Variants in RAD51B observed in about 807,000 individuals in gnomAD.
The protein encoded by RAD51B is DNA repair protein RAD51 homolog 2.
RAD51B carries 38 observed loss-of-function variants against 42.2 expected under a neutral mutation model. The observed-to-expected ratio is 0.90, with a 90% confidence interval of 0.70 to 1.18. RAD51B has a LOEUF of 1.18. Among genes scored for constraint, RAD51B ranks in the 50% most tolerant of loss-of-function variants. The probability of loss-of-function intolerance (pLI) is 0.00; values close to 1 mark genes in which losing one functional copy is unlikely to be tolerated. For missense variants in RAD51B, 373 were observed against 400.7 expected (o/e 0.93, Z 0.59); for synonymous variants, 154 against 145.2 (o/e 1.06, Z -0.43).
intron 7 of RAD51B, among the ~76,000 whole-genome samples, chr14:67,975,054 A>G (rs1186682266): frequency 2.0e-5 from 3 of 152,204 alleles, no homozygotes; most frequent in African/African-American, 2.4e-5. Context: ...ATCAATTGCC[A>G]TAACAAATTA....
intron 7 of RAD51B, among the ~76,000 whole-genome samples, chr14:68,246,119 T>C (rs1456071298): frequency 1.3e-5 from 2 of 152,094 alleles, no homozygotes; most frequent in Non-Finnish European, 2.9e-5. Flanking sequence ...CCCCAGGAAA[T>C]GTTAGCTCCC....
At chr14:68,287,315 G>T (rs1399278047) in intron 7 of RAD51B, among the ~76,000 whole-genome samples, 1 of 152,190 alleles carries the variant, frequency 6.6e-6, no homozygotes, top group Non-Finnish European at 1.5e-5. Context: ...GTGCACCTCT[G>T]TAAGCAGCAT....
rs537805558 is a variant in RAD51B at position 68,624,761 on chromosome 14, C to T, written c.1037-26020C>T. ...CGCGATCCTCTCAGGAAACAGGGCC[C>T]CAGGCAATTTCGTTCCTAAGTGAGA... On this transcript the variant is annotated intron_variant, in intron 10 of 11. Transcript: ENST00000488612. Among the ~76,000 whole-genome samples, 361 of 152,268 alleles carry T rather than the reference C, an allele frequency of 2.4e-3. 2 individuals carry two copies. The highest frequency in any genetic ancestry group is 4.2e-3 in the Non-Finnish European group (283 of 68,012).
chr14:68,265,144 C>G (rs1359629435), intron 7 of RAD51B, among the ~76,000 whole-genome samples: 3 of 152,150 alleles, frequency 2.0e-5, no homozygotes, highest in African/African-American at 2.4e-5. Context: ...TGAATAGACC[C>G]TTATCAACTT....
At chr14:68,155,846 T>C (rs955698876) in intron 7 of RAD51B, among the ~76,000 whole-genome samples, 3 of 152,216 alleles carry the variant, frequency 2.0e-5, no homozygotes, top group African/African-American at 7.2e-5. Context: ...GAATTTCTGA[T>C]TGATGAGGCC....
At chr14:68,241,414 C>T (rs1353387058) in intron 7 of RAD51B, among the ~76,000 whole-genome samples, 7 of 151,956 alleles carry the variant, frequency 4.6e-5, no homozygotes, top group African/African-American at 9.7e-5. Context: ...TGGTGGCGGG[C>T]GCCTGTGGTC....
chr14:67,962,221 A>G (rs1040369032), intron 7 of RAD51B, among the ~76,000 whole-genome samples: 2 of 152,202 alleles, frequency 1.3e-5, no homozygotes, highest in East Asian at 3.8e-4. Context: ...ATGATCTGAT[A>G]TGAAGTTGAA....
chr14:68,151,992 C>T (rs576125215), intron 7 of RAD51B, among the ~76,000 whole-genome samples: 34 of 151,422 alleles, frequency 2.2e-4, no homozygotes, highest in East Asian at 1.8e-3. Flanking sequence ...TACAGGCATG[C>T]GCCACCATGC....
chr14:68,659,455 G>A (rs1024674513), intron 11 of RAD51B, among the ~76,000 whole-genome samples: 20 of 152,168 alleles, frequency 1.3e-4, no homozygotes, highest in African/African-American at 4.1e-4. Context: ...AAGAAGCAAA[G>A]AATGTTGGGG....
intron 4 of RAD51B, among the ~76,000 whole-genome samples, chr14:67,843,805 C>G (rs1341154406): frequency 6.7e-6 from 1 of 149,626 alleles, no homozygotes; most frequent in African/African-American, 2.5e-5. Context: ...CTCCTTGATT[C>G]TTTGATCTTT....
In RAD51B at chr14:67,907,195, T is replaced by C. The variant is rs140362919; in HGVS notation, c.756+19991T>C. On this transcript the variant is annotated intron_variant, in intron 7 of 10. Coordinates refer to ENST00000471583, the MANE Select transcript of RAD51B (RefSeq NM_133510.4). ...TTCAAAGGGCCAGCTTTTGGTTTTG[T>C]TGATCTTTTGTATGGTTTTTCGTGA... 6.9e-3 allele frequency among the ~76,000 whole-genome samples: 1,049 copies of C among 152,210 alleles called. 17 individuals carry two copies. The highest frequency in any genetic ancestry group is 0.024 in the African/African-American group (1,007 of 41,474).
chr14:67,989,829 T>G (rs1039213012), intron 7 of RAD51B, among the ~76,000 whole-genome samples: 1 of 152,036 alleles, frequency 6.6e-6, no homozygotes, highest in African/African-American at 2.4e-5. Context: ...CTGCTTTGCT[T>G]GCATTTACAT....
chr14:67,881,487 ACTCTGCACACCTGCTTCCT>A (rs1011196371), intron 5 of RAD51B, among the ~76,000 whole-genome samples: 55 of 151,944 alleles, frequency 3.6e-4, no homozygotes, highest in African/African-American at 1.3e-3. Flanking sequence ...TGCAGTGCTC[ACTCTGCACACCTGCTTCCT>A]CTCTGGTACT....
chr14:67,830,198 G>A (rs1284665822), intron 3 of RAD51B, among the ~76,000 whole-genome samples: 3 of 152,110 alleles, frequency 2.0e-5, no homozygotes, highest in Non-Finnish European at 2.9e-5. Context: ...AAGAGCAATG[G>A]AAACTCATAA....
intron 7 of RAD51B, among the ~76,000 whole-genome samples, chr14:68,072,043 A>ATATATATAAT (rs2076748192): frequency 2.4e-5 from 3 of 125,604 alleles, no homozygotes; most frequent in African/African-American, 3.5e-5. Context: ...GATTTTATAT[A>ATATATATAAT]TATATATAAT....
At chr14:68,541,875 C>T in intron 10 of RAD51B, 1 of 954,844 alleles carries the variant, frequency 1.0e-6, no homozygotes, top group Non-Finnish European at 1.2e-6. Context: ...CTCATCTCCT[C>T]TTTTATTGAG....
chr14:68,383,707 T>C (rs2083531072), intron 8 of RAD51B, among the ~76,000 whole-genome samples: 1 of 152,274 alleles, frequency 6.6e-6, no homozygotes, highest in South Asian at 2.1e-4. Context: ...TCTCCAAGTG[T>C]TGCTCTCAGC....
chr14:67,879,104 G>T (rs1355150194), intron 5 of RAD51B, among the ~76,000 whole-genome samples: 1 of 152,184 alleles, frequency 6.6e-6, no homozygotes, highest in Non-Finnish European at 1.5e-5. Flanking sequence ...CAAAGAATTG[G>T]CATATGCAGA....
chr14:68,424,730 T>A (rs1236184987), intron 9 of RAD51B, among the ~76,000 whole-genome samples: 2 of 152,208 alleles, frequency 1.3e-5, no homozygotes, highest in Non-Finnish European at 2.9e-5. Flanking sequence ...CAGCATTTGA[T>A]CCCTTTGACT....
Sources: gnomAD v4.1 joint callset for allele counts (sites outside exome capture counted in the v4.1 genomes callset) on GRCh38, gnomAD v4.1.1 for gene constraint, MANE v1.5 for transcripts, NCBI Gene and HGNC (gene_info 2026-07-23, HGNC 2026-07-21) for gene names.